RNF4: variants seen among roughly 807,000 people sequenced by gnomAD.
The protein encoded by RNF4 is E3 ubiquitin-protein ligase RNF4.
Under a neutral mutation model 24.3 loss-of-function variants are expected in RNF4, and 7 were observed. The ratio of observed to expected loss-of-function variants is 0.29; its 90% CI spans 0.16 to 0.54. The LOEUF is 0.54. Among genes scored for constraint, RNF4 ranks in the 20% least tolerant of loss-of-function variants. RNF4 has a pLI of 0.95. For synonymous variants in RNF4, 83 were observed against 84.3 expected, an observed-to-expected ratio of 0.98 and a Z score of 0.09; for missense variants, 209 against 248.5, an observed-to-expected ratio of 0.84 and a Z score of 1.07.
chr4:2,503,099 C>G (rs1238473649), intron 4 of RNF4, among the ~76,000 whole-genome samples: 1 of 152,060 alleles, frequency 6.6e-6, no homozygotes, highest in Non-Finnish European at 1.5e-5. Flanking sequence ...TGGTCTTGAA[C>G]TCCTGGGCTC....
chr4:2,495,631 T>G (rs530140463), intron 2 of RNF4, among the ~76,000 whole-genome samples: 5 of 97,534 alleles, frequency 5.1e-5, no homozygotes, highest in African/African-American at 1.8e-4. Context: ...GGGAAGCTCT[T>G]TTTTTTTTGG....
chr4:2,484,092 G>C (rs922404749), intron 1 of RNF4, among the ~76,000 whole-genome samples: 23 of 28,762 alleles, frequency 8.0e-4, no homozygotes, highest in African/African-American at 3.9e-3. Flanking sequence ...GCCTCCCAAA[G>C]TGCTGGGATT....
At chr4:2,480,371 C>A (rs1735210745) in intron 1 of RNF4, 2 of 149,916 alleles carry the variant, frequency 1.3e-5, no homozygotes, top group Admixed American at 1.3e-4. Context: ...CTCCCGAGTT[C>A]AAGGGGTTCT....
chr4:2,475,592 C>G (rs1229755348), intron 1 of RNF4, among the ~76,000 whole-genome samples: 1 of 152,214 alleles, frequency 6.6e-6, no homozygotes, highest in Non-Finnish European at 1.5e-5. Context: ...CCCGCCTCAG[C>G]CTCCCAAAGT....
At chr4:2,472,601 TAAAA>T (rs80169458) in intron 1 of RNF4, among the ~76,000 whole-genome samples, 22 of 135,586 alleles carry the variant, frequency 1.6e-4, no homozygotes, top group Admixed American at 2.3e-4. Context: ...GCCAGTCTCT[TAAAA>T]AAAAAAAAAA....
At chr4:2,489,553 G>A (rs530146074) in intron 1 of RNF4, among the ~76,000 whole-genome samples, 1 of 152,198 alleles carries the variant, frequency 6.6e-6, no homozygotes, top group East Asian at 1.9e-4. Flanking sequence ...AGCCCTCTGT[G>A]GGGGAGCCTG....
In RNF4 at chr4:2,493,274, A is replaced by G. The variant is rs939361728; in HGVS notation, c.9+2772A>G. On this transcript the variant is annotated intron_variant, in intron 2 of 7. Coordinates refer to ENST00000314289, the MANE Select transcript of RNF4 (RefSeq NM_002938.5). ...GAGGGACAGGCACTCCAGGCAGGGA[A>G]GAAGCTCTGGTTAAAGGCATGGAGG... 2.6e-4 allele frequency among the ~76,000 whole-genome samples: 39 copies of G among 152,250 alleles called. 1 individual carries two copies. The highest frequency in any genetic ancestry group is 9.4e-4 in the African/African-American group (39 of 41,576).
chr4:2,506,020 G>A (rs1736090321), intron 4 of RNF4: 1 of 152,162 alleles, frequency 6.6e-6, no homozygotes, highest in Non-Finnish European at 1.5e-5. Context: ...AAGCTAGGCA[G>A]TTTTTGCCCT....
At chr4:2,497,340 T>A (rs1735769073) in intron 3 of RNF4, 5 of 351,870 alleles carry the variant, frequency 1.4e-5, no homozygotes, top group East Asian at 4.6e-5. Flanking sequence ...AGGATCCATT[T>A]AAAAAAAAAT....
intron 1 of RNF4, among the ~76,000 whole-genome samples, chr4:2,486,899 G>C (rs1735427462): frequency 6.6e-6 from 1 of 152,098 alleles, no homozygotes; most frequent in Non-Finnish European, 1.5e-5. Context: ...TGATAGATGT[G>C]CACCCAAATG....
chr4:2,504,726 A>AT (rs1182588172), intron 4 of RNF4, among the ~76,000 whole-genome samples: 20,488 of 61,222 alleles, frequency 0.33, 4,059 homozygotes, highest in African/African-American at 0.5. Context: ...CATTTTTTGT[A>AT]TTTTTTTTTT....
At chr4:2,492,882 G>A (rs1346439662) in intron 2 of RNF4, among the ~76,000 whole-genome samples, 2 of 152,180 alleles carry the variant, frequency 1.3e-5, no homozygotes, top group African/African-American at 4.8e-5. Context: ...GATCAGAACA[G>A]GCAAAACAAT....
At chr4:2,481,402 CAT>C (rs1735239526) in intron 1 of RNF4, among the ~76,000 whole-genome samples, 3 of 151,990 alleles carry the variant, frequency 2.0e-5, no homozygotes. Context: ...TTAAGGAACA[CAT>C]ATGTCCGTAA....
intron 4 of RNF4, 132 bp downstream of exon 4, chr4:2,500,870 G>A: frequency 1.4e-6 from 1 of 739,794 alleles, no homozygotes; most frequent in Non-Finnish European, 2.3e-6. Flanking sequence ...TGCATCTTGT[G>A]GAATTGAGCT....
intron 2 of RNF4, among the ~76,000 whole-genome samples, chr4:2,492,211 A>AG (rs1491462335): frequency 6.6e-6 from 1 of 151,822 alleles, no homozygotes; most frequent in Non-Finnish European, 1.5e-5. Flanking sequence ...AAAAAAAAAA[A>AG]GAAAAATCAT....
intron 4 of RNF4, among the ~76,000 whole-genome samples, chr4:2,506,462 G>A (rs138372552): frequency 3.8e-3 from 575 of 152,178 alleles, no homozygotes; most frequent in African/African-American, 0.011. Context: ...GATTACAGAC[G>A]TGAGCCACCA....
intron 2 of RNF4, among the ~76,000 whole-genome samples, chr4:2,494,021 T>C (rs930802361): frequency 6.6e-6 from 1 of 151,762 alleles, no homozygotes; most frequent in African/African-American, 2.4e-5. Context: ...TTTTGTGTTA[T>C]TAGTAGAGAC....
At chr4:2,511,025 G>A (rs1736257189) in intron 4 of RNF4, among the ~76,000 whole-genome samples, 1 of 152,234 alleles carries the variant, frequency 6.6e-6, no homozygotes, top group Non-Finnish European at 1.5e-5. Context: ...ACTGAGCAAT[G>A]CAAATCCTCC....
rs999167722 is a variant in RNF4 at position 2,512,494 on chromosome 4, TGTGTG to T, written c.275_279del (p.Val92GlufsTer3). The stretch of plus-strand genomic sequence containing the variant: ...GCTGCCCCAGGACCATGCTGACAGC[TGTGTG>T]GTGAGCAGTGACGATGAGGAGTTGT... On this transcript the variant is annotated frameshift_variant, in exon 6 of 8. Transcript: ENST00000314289. LOFTEE classifies it high-confidence loss of function. This position sits in a 1 kb window ranked among gnomAD's most constrained non-coding sequence, Gnocchi z 4.1. 6.2e-7 allele frequency: 1 copy of T among 1,613,582 alleles called. No individual in the cohort carries two copies. The highest frequency in any genetic ancestry group is 8.5e-7 in the Non-Finnish European group (1 of 1,179,768).
Sources: gnomAD v4.1 joint callset for allele counts (sites outside exome capture counted in the v4.1 genomes callset) on GRCh38, gnomAD v4.1.1 for gene constraint, Gnocchi (gnomAD v3.1) non-coding constraint, MANE v1.5 for transcripts, NCBI Gene and HGNC (gene_info 2026-07-23, HGNC 2026-07-21) for gene names.